Variants in CLCN3 observed in about 807,000 individuals in gnomAD.
CLCN3 encodes H(+)/Cl(-) exchange transporter 3.
A neutral mutation model predicts 83.4 loss-of-function variants in CLCN3; 16 were observed. The ratio of observed to expected loss-of-function variants is 0.19; its 90% CI spans 0.13 to 0.29. The LOEUF is 0.29. Ranked by LOEUF, CLCN3 falls within the 10% of genes least tolerant of loss-of-function variation. The pLI is 1.00. For missense variants in CLCN3, 544 were observed against 1,006.0 expected (o/e 0.54, Z 6.21); for synonymous variants, 322 against 346.2 (o/e 0.93, Z 0.78).
chr4:169,686,721 A>T (rs1385767887), intron 3 of CLCN3, among the ~76,000 whole-genome samples: 1 of 152,188 alleles, frequency 6.6e-6, no homozygotes, highest in Admixed American at 6.5e-5. Flanking sequence ...GGCCAAAAAT[A>T]TGGGTTTCTA....
chr4:169,702,591 T>TA (rs112991052), intron 9 of CLCN3, among the ~76,000 whole-genome samples: 3 of 150,452 alleles, frequency 2.0e-5, no homozygotes, highest in African/African-American at 4.9e-5. Flanking sequence ...AAGGATTACT[T>TA]AAAAAAAAAG....
intron 2 of CLCN3, among the ~76,000 whole-genome samples, chr4:169,664,365 G>C (rs1731170528): frequency 6.6e-6 from 1 of 152,084 alleles, no homozygotes; most frequent in Non-Finnish European, 1.5e-5. Flanking sequence ...ATAGAGGTTT[G>C]TTCCTTTTTC....
At position 169,657,839 on chromosome 4, in the gene CLCN3, A is replaced by C. The variant is rs1288650581; in HGVS notation, c.160+21751A>C. On this transcript the variant is annotated intron_variant, in intron 2 of 12. Coordinates refer to ENST00000513761, the MANE Select transcript of CLCN3 (RefSeq NM_001829.4). ...TGAATTTGTCTTCTGCTCTCTCTCT[A>C]TCTGGGCTCCACCCTGACTGTAATT... Among the ~76,000 whole-genome samples the C allele has an allele frequency of 2.0e-5, 3 of 152,108 alleles. No homozygotes were observed. In the East Asian group the frequency reaches 5.8e-4, roughly 29 times the overall value.
At chr4:169,694,077 T>C (rs1732475820) in intron 7 of CLCN3, among the ~76,000 whole-genome samples, 1 of 152,166 alleles carries the variant, frequency 6.6e-6, no homozygotes, top group Non-Finnish European at 1.5e-5. Flanking sequence ...CAAATAAATA[T>C]GTTTGCTTTC....
chr4:169,637,784 A>T (rs1730270607), intron 2 of CLCN3, among the ~76,000 whole-genome samples: 1 of 152,152 alleles, frequency 6.6e-6, no homozygotes, highest in African/African-American at 2.4e-5. Context: ...ATGTGGGTTA[A>T]GAGTTCAGAT....
At chr4:169,709,193 GATAT>G (rs1160397110) in intron 11 of CLCN3, among the ~76,000 whole-genome samples, 1 of 149,652 alleles carries the variant, frequency 6.7e-6, no homozygotes, top group Admixed American at 6.7e-5. Context: ...ACATATAATT[GATAT>G]ATATAATGAT....
In CLCN3 at chr4:169,720,184, G is replaced by T; in HGVS notation, c.*187G>T. The T allele has an allele frequency of 3.8e-6, 3 of 786,430 alleles. No homozygotes were observed. The highest frequency in any genetic ancestry group is 2.6e-5 in the East Asian group (1 of 37,930). The allele number at this position is 786,430 out of a possible 1,614,324, so 48.7% of individuals were successfully genotyped here. Reference sequence around the variant, plus strand: ...TGGTGGAATGGAGGAGTTGTTTGGGGAGGGAAAGGAGAGAGAAGGAAAGGA... The same window carrying T: ...TGGTGGAATGGAGGAGTTGTTTGGGTAGGGAAAGGAGAGAGAAGGAAAGGA... On this transcript the variant is annotated 3_prime_UTR_variant, in exon 13 of 13. Transcript: ENST00000513761.
chr4:169,696,111 C>T (rs530786068), intron 8 of CLCN3, among the ~76,000 whole-genome samples: 69 of 151,912 alleles, frequency 4.5e-4, no homozygotes, highest in Admixed American at 3.5e-3. Flanking sequence ...GTTTTTGAGA[C>T]GGAGTTTCAC....
chr4:169,690,748 G>A (rs1417908838), intron 6 of CLCN3, 96 bp downstream of exon 6: 2 of 1,210,848 alleles, frequency 1.7e-6, no homozygotes, highest in Non-Finnish European at 2.3e-6. Context: ...GGAGGGAGGG[G>A]ATAGTTTGTT....
intron 2 of CLCN3, among the ~76,000 whole-genome samples, chr4:169,656,418 A>G (rs1581212656): frequency 6.6e-6 from 1 of 152,174 alleles, no homozygotes; most frequent in Non-Finnish European, 1.5e-5. Flanking sequence ...AGATCTCATG[A>G]GTACTCTATA....
At chr4:169,698,035 A>G (rs543931614) in intron 9 of CLCN3, among the ~76,000 whole-genome samples, 5 of 152,306 alleles carry the variant, frequency 3.3e-5, no homozygotes, top group African/African-American at 1.2e-4. Context: ...TCTTTCATAT[A>G]GTTGTTATTA....
chr4:169,633,125 G>A (rs1773421103), intron 1 of CLCN3, among the ~76,000 whole-genome samples: 1 of 152,108 alleles, frequency 6.6e-6, no homozygotes, highest in African/African-American at 2.4e-5. Flanking sequence ...CGATTTTCAT[G>A]CCTCAGGCTC....
intron 3 of CLCN3, among the ~76,000 whole-genome samples, chr4:169,683,541 G>C (rs1732028683): frequency 6.6e-6 from 1 of 152,068 alleles, no homozygotes; most frequent in Non-Finnish European, 1.5e-5. Context: ...TATGTAAATG[G>C]TTAGTGTACA....
chr4:169,672,244 A>AGATG (rs1731494261), intron 2 of CLCN3, among the ~76,000 whole-genome samples: 1 of 151,838 alleles, frequency 6.6e-6, no homozygotes, highest in African/African-American at 2.4e-5. Context: ...ATAGATAGAT[A>AGATG]GATAGATAGA....
At chr4:169,673,589 A>G (rs1731561850) in intron 2 of CLCN3, among the ~76,000 whole-genome samples, 1 of 152,136 alleles carries the variant, frequency 6.6e-6, no homozygotes, top group Non-Finnish European at 1.5e-5. Flanking sequence ...CATAAAGAGT[A>G]ACAAGACCAG....
intron 3 of CLCN3, among the ~76,000 whole-genome samples, chr4:169,681,027 A>G (rs1560854796): frequency 6.6e-6 from 1 of 151,978 alleles, no homozygotes; most frequent in Non-Finnish European, 1.5e-5. Context: ...TTTTATACAA[A>G]ATACGTTTTT....
At chr4:169,643,822 C>T (rs1730493423) in intron 2 of CLCN3, among the ~76,000 whole-genome samples, 1 of 152,202 alleles carries the variant, frequency 6.6e-6, no homozygotes, top group African/African-American at 2.4e-5. Context: ...GTCTGGCTCA[C>T]AGTGGTGAAT....
At chr4:169,702,795 A>G (rs11932759) in intron 9 of CLCN3, 30,591 of 300,422 alleles carry the variant, frequency 0.1, 1,740 homozygotes, top group East Asian at 0.17. Context: ...AAAAAAAAAA[A>G]AAGAAAGCCA....
intron 2 of CLCN3, among the ~76,000 whole-genome samples, chr4:169,666,966 T>C (rs1227296238): frequency 1.3e-5 from 2 of 152,254 alleles, no homozygotes; most frequent in Non-Finnish European, 2.9e-5. Flanking sequence ...TTATTAGACA[T>C]GAGCTAGATA....
Sources: gnomAD v4.1 joint callset for allele counts (sites outside exome capture counted in the v4.1 genomes callset) on GRCh38, gnomAD v4.1.1 for gene constraint, MANE v1.5 for transcripts, NCBI Gene and HGNC (gene_info 2026-07-23, HGNC 2026-07-21) for gene names.